SLC24A4: variants seen among roughly 807,000 people sequenced by gnomAD.
SLC24A4 encodes the protein sodium/potassium/calcium exchanger 4.
Under a neutral mutation model 79.0 loss-of-function variants are expected in SLC24A4, and 53 were observed. The ratio of observed to expected loss-of-function variants is 0.67; its 90% CI spans 0.54 to 0.84. SLC24A4 has a LOEUF of 0.84. Among genes scored for constraint, SLC24A4 ranks in the 40% least tolerant of loss-of-function variants. The pLI is 0.00. For missense variants in SLC24A4, 731 were observed against 822.0 expected (o/e 0.89, Z 1.35); for synonymous variants, 323 against 323.8 (o/e 1.00, Z 0.03).
At chr14:92,333,051 A>G (rs78109695) in intron 2 of SLC24A4, among the ~76,000 whole-genome samples, 10,021 of 152,286 alleles carry the variant, frequency 0.066, 408 homozygotes, top group Middle Eastern at 0.13. Flanking sequence ...TGGGATAGGC[A>G]TGATTTCCCC....
chr14:92,442,031 A>G (rs1417836906), intron 4 of SLC24A4, 58 bp from the exon 5 acceptor site: 2 of 1,367,630 alleles, frequency 1.5e-6, no homozygotes, highest in Admixed American at 1.7e-5. Flanking sequence ...TAGAGCGTCC[A>G]GTGATGTCCA....
intron 15 of SLC24A4, 49 bp downstream of exon 15, chr14:92,491,826 G>A (rs1895686689): frequency 5.5e-6 from 8 of 1,454,494 alleles, no homozygotes; most frequent in African/African-American, 1.4e-5. Context: ...GAAGGCTAGT[G>A]GTGTTGGCCC....
At position 92,323,267 on chromosome 14, in the gene SLC24A4, T is replaced by C. The variant is rs1884896992; in HGVS notation, c.-564T>C. On this transcript the variant is annotated 5_prime_UTR_variant, in exon 1 of 17. Coordinates refer to ENST00000532405, the MANE Select transcript of SLC24A4 (RefSeq NM_153646.4). The surrounding 1 kb of genome is among the most constrained non-coding windows in gnomAD (Gnocchi z 4.9). ...GCCTGCTCGCCGCGAGGGTCTCAGGTACCGCGCGTCCAGCCAGCCTTCCCG... is the reference window on the plus strand; with the variant it reads ...GCCTGCTCGCCGCGAGGGTCTCAGGCACCGCGCGTCCAGCCAGCCTTCCCG... The C allele has an allele frequency of 6.6e-6, 1 of 152,086 alleles. No individual in the cohort carries two copies. 9.4% of individuals were successfully genotyped at this position (152,086 alleles called of 1,614,324 possible). A position where few individuals can be genotyped will look rare whatever the true frequency, so the allele number is the denominator to read the frequency against.
chr14:92,340,891 T>C (rs1215512573), intron 2 of SLC24A4, among the ~76,000 whole-genome samples: 1 of 152,140 alleles, frequency 6.6e-6, no homozygotes, highest in African/African-American at 2.4e-5. Flanking sequence ...CTAAGCAACA[T>C]TGGAGGCATG....
At chr14:92,329,139 G>C (rs957173157) in intron 2 of SLC24A4, among the ~76,000 whole-genome samples, 19 of 152,276 alleles carry the variant, frequency 1.2e-4, no homozygotes, top group African/African-American at 4.6e-4. Flanking sequence ...TGAATTAGAG[G>C]GTGCCTTGTC....
chr14:92,456,658 T>C (rs1176019667), intron 12 of SLC24A4, 50 bp downstream of exon 12: 2 of 1,577,800 alleles, frequency 1.3e-6, no homozygotes, highest in Middle Eastern at 4.4e-4. Context: ...GGGGGCTCCA[T>C]TAGGACCAAG....
intron 2 of SLC24A4, among the ~76,000 whole-genome samples, chr14:92,370,866 A>G (rs1433605346): frequency 2.0e-5 from 3 of 152,186 alleles, no homozygotes; most frequent in Non-Finnish European, 2.9e-5. Context: ...TCACATACAA[A>G]GGATCTAGAA....
At chr14:92,370,279 G>T (rs1888080271) in intron 2 of SLC24A4, among the ~76,000 whole-genome samples, 8 of 152,194 alleles carry the variant, frequency 5.3e-5, no homozygotes, top group Admixed American at 5.2e-4. Context: ...TTAGGAACAG[G>T]AGATGCCTGA....
chr14:92,375,191 C>A (rs1888432331), intron 2 of SLC24A4, among the ~76,000 whole-genome samples: 1 of 152,156 alleles, frequency 6.6e-6, no homozygotes. Flanking sequence ...AAGCTAAGGA[C>A]CTCTTAGAAT....
intron 2 of SLC24A4, among the ~76,000 whole-genome samples, chr14:92,402,590 A>G (rs1337953297): frequency 6.6e-6 from 1 of 152,162 alleles, no homozygotes; most frequent in African/African-American, 2.4e-5. Context: ...AGACTGGGCA[A>G]TTTACAAAGA....
At chr14:92,438,436 C>T (rs78508256) in intron 3 of SLC24A4, among the ~76,000 whole-genome samples, 1,727 of 151,710 alleles carry the variant, frequency 0.011, 31 homozygotes, top group African/African-American at 0.039. Flanking sequence ...AGACTCCCCC[C>T]GCCATCTCTA....
intron 12 of SLC24A4, among the ~76,000 whole-genome samples, chr14:92,466,231 C>G (rs10130373): frequency 4.1e-4 from 63 of 152,126 alleles, no homozygotes; most frequent in Non-Finnish European, 5.9e-5. Flanking sequence ...ACTCAGCAAG[C>G]GGAAGTTAAC....
intron 2 of SLC24A4, among the ~76,000 whole-genome samples, chr14:92,356,230 C>A (rs574527692): frequency 3.3e-5 from 5 of 152,246 alleles, no homozygotes; most frequent in Middle Eastern, 3.4e-3. Context: ...AGATTCAATG[C>A]ATTGTTGATT....
chr14:92,399,524 C>T (rs546813538), intron 2 of SLC24A4, among the ~76,000 whole-genome samples: 1 of 152,294 alleles, frequency 6.6e-6, no homozygotes. Context: ...ATCCGTATTT[C>T]CTGGTGTTGA....
chr14:92,473,931 G>T (rs2139897969), intron 12 of SLC24A4, among the ~76,000 whole-genome samples: 1 of 152,304 alleles, frequency 6.6e-6, no homozygotes, highest in Middle Eastern at 3.4e-3. Context: ...GAGCTGGGCT[G>T]GTTCTGCCAG....
intron 7 of SLC24A4, among the ~76,000 whole-genome samples, chr14:92,444,024 G>A (rs1276704452): frequency 1.3e-5 from 2 of 151,892 alleles, no homozygotes; most frequent in Non-Finnish European, 2.9e-5. Context: ...GCCGTATTCT[G>A]TTTGTTGGAA....
intron 2 of SLC24A4, among the ~76,000 whole-genome samples, chr14:92,399,609 TGAA>T (rs1224515156): frequency 6.6e-6 from 1 of 152,218 alleles, no homozygotes; most frequent in Non-Finnish European, 1.5e-5. Flanking sequence ...TGTGAAATCT[TGAA>T]GTGTCTTCTA....
At chr14:92,351,196 G>A (rs1357440189) in intron 2 of SLC24A4, among the ~76,000 whole-genome samples, 1 of 146,870 alleles carries the variant, frequency 6.8e-6, no homozygotes, top group East Asian at 2.0e-4. Flanking sequence ...GGGCTTAGCT[G>A]AAATCTCCCT....
At chr14:92,324,868 A>C (rs1466929027) in intron 1 of SLC24A4, among the ~76,000 whole-genome samples, 2 of 152,246 alleles carry the variant, frequency 1.3e-5, no homozygotes, top group Non-Finnish European at 2.9e-5. Flanking sequence ...GGCCGTCAAC[A>C]TCCAGAGACC....
Sources: allele counts gnomAD v4.1 joint callset (sites outside exome capture counted in the v4.1 genomes callset), GRCh38; gene constraint gnomAD v4.1.1; non-coding constraint Gnocchi (gnomAD v3.1); transcripts MANE v1.5; gene names NCBI Gene and HGNC (gene_info 2026-07-23, HGNC 2026-07-21).